The following XKR7 variants were observed in gnomAD, a reference collection of about 807,000 sequenced individuals.
The protein encoded by XKR7 is XK-related protein 7.
Under a neutral mutation model 42.2 loss-of-function variants are expected in XKR7, and 11 were observed. The ratio of observed to expected loss-of-function variants is 0.26; its 90% CI spans 0.16 to 0.43. The LOEUF (loss-of-function observed/expected upper bound fraction) is 0.43, where lower values mean the gene tolerates loss of function less well. Among genes scored for constraint, XKR7 ranks in the 20% least tolerant of loss-of-function variants. The probability of loss-of-function intolerance (pLI) is 1.00; values close to 1 mark genes in which losing one functional copy is unlikely to be tolerated. For synonymous variants in XKR7, 346 were observed against 366.4 expected, an observed-to-expected ratio of 0.94 and a Z score of 0.64; for missense variants, 710 against 802.2, an observed-to-expected ratio of 0.89 and a Z score of 1.39.
intron 1 of XKR7, among the ~76,000 whole-genome samples, chr20:31,977,090 C>A (rs1485367477): frequency 6.6e-6 from 1 of 152,206 alleles, no homozygotes; most frequent in Non-Finnish European, 1.5e-5. Context: ...GGCCTACATC[C>A]ACAGCCTTTA....
In XKR7 at chr20:31,995,140, G is replaced by C; in HGVS notation, c.657G>C (p.Trp219Cys). The C allele has an allele frequency of 2.6e-6, 4 of 1,559,920 alleles. No homozygotes were observed. Among genetic ancestry groups the C allele is most frequent in the Non-Finnish European group, 3.5e-6 (4 of 1,152,392 alleles). ...RGERLRRHFY[W>C]QMLFESADVS... The stretch of plus-strand genomic sequence containing the variant: ...AGCGGCTGCGGCGCCACTTCTACTG[G>C]CAGATGCTGTTCGAGAGCGCCGACG... The change falls in exon 2 of 3, where the codon TGG becomes TGC. Residue 219 changes from tryptophan to cysteine, a missense_variant. By Grantham distance (215) the Trp-to-Cys change is radical. Around this residue, in one of 2 missense-constraint regions of XKR7, gnomAD observed 708 missense variants for 786.2 expected, o/e 0.90. Transcript: ENST00000562532. This position sits in a 1 kb window ranked among gnomAD's most constrained non-coding sequence, Gnocchi z 4.1.
intron 1 of XKR7, among the ~76,000 whole-genome samples, chr20:31,991,843 C>T (rs772364477): frequency 2.0e-5 from 3 of 152,212 alleles, no homozygotes; most frequent in African/African-American, 4.8e-5. Context: ...TCAGGCCAGG[C>T]GTGGTGGCCC....
chr20:31,972,834 T>C (rs937455402), intron 1 of XKR7, among the ~76,000 whole-genome samples: 13 of 152,198 alleles, frequency 8.5e-5, no homozygotes, highest in Non-Finnish European at 8.8e-5. Context: ...AAGCCCTGCA[T>C]GACAGAGAAG....
intron 1 of XKR7, among the ~76,000 whole-genome samples, chr20:31,985,321 A>G (rs2064532572): frequency 6.6e-6 from 1 of 152,014 alleles, no homozygotes; most frequent in African/African-American, 2.4e-5. Context: ...TTGGCCCAGA[A>G]CTGTGAGGGG....
intron 1 of XKR7, among the ~76,000 whole-genome samples, chr20:31,979,726 A>G (rs142753052): frequency 2.6e-3 from 392 of 152,212 alleles, no homozygotes; most frequent in African/African-American, 8.5e-3. Context: ...GTCCCGTGAT[A>G]CCTTCAGATG....
intron 1 of XKR7, among the ~76,000 whole-genome samples, chr20:31,973,094 T>C (rs1266140645): frequency 1.3e-5 from 2 of 152,038 alleles, no homozygotes; most frequent in Non-Finnish European, 2.9e-5. Context: ...CAAGGTTTAA[T>C]GAGATAATGT....
In XKR7 at chr20:32,002,766, A is replaced by C. The variant is rs1426329940; in HGVS notation, c.*5309A>C. ...AACTTCTAGGGCTTGAAGGTGGGGG[A>C]ATATATGTATTTTATTGAGTTGCTT... On this transcript the variant is annotated 3_prime_UTR_variant, in exon 3 of 3. Coordinates refer to ENST00000562532, the MANE Select transcript of XKR7 (RefSeq NM_001011718.2). 2 of 152,082 alleles carry C rather than the reference A, an allele frequency of 1.3e-5. No homozygotes were observed. The highest frequency in any genetic ancestry group is 2.9e-5 in the Non-Finnish European group (2 of 68,014). 9.4% of individuals were successfully genotyped at this position (152,082 alleles called of 1,614,324 possible).
At chr20:31,990,626 G>A (rs2064566210) in intron 1 of XKR7, among the ~76,000 whole-genome samples, 1 of 152,238 alleles carries the variant, frequency 6.6e-6, no homozygotes, top group African/African-American at 2.4e-5. Context: ...ATATTAAAAT[G>A]CAGCTACATC....
At chr20:31,992,542 T>C (rs1340123304) in intron 1 of XKR7, among the ~76,000 whole-genome samples, 1 of 152,086 alleles carries the variant, frequency 6.6e-6, no homozygotes, top group East Asian at 1.9e-4. Context: ...AGGCTGGAAA[T>C]GACTGAAGGA....
chr20:31,987,933 A>G (rs904775038), intron 1 of XKR7, among the ~76,000 whole-genome samples: 1 of 152,224 alleles, frequency 6.6e-6, no homozygotes, highest in Non-Finnish European at 1.5e-5. Flanking sequence ...CCAGGATTCC[A>G]GGGCGAGACT....
intron 1 of XKR7, among the ~76,000 whole-genome samples, chr20:31,985,715 C>T (rs1159393380): frequency 1.4e-5 from 2 of 147,664 alleles, no homozygotes; most frequent in Non-Finnish European, 3.0e-5. Flanking sequence ...GACAGACTAC[C>T]AAGCAGACCC....
Position 31,968,614 on chromosome 20 carries a change from G to T in XKR7, c.439G>T (p.Ala147Ser). 1 of 1,603,184 alleles carries T rather than the reference G, an allele frequency of 6.2e-7. No homozygotes were observed. The highest frequency in any genetic ancestry group is 8.5e-7 in the Non-Finnish European group (1 of 1,178,282). The change falls in exon 1 of 3, where the codon GCC becomes TCC. Residue 147 changes from alanine (A) to serine (S), a missense_variant. Ala to Ser is a moderately conservative substitution (Grantham distance 99). Coordinates refer to ENST00000562532, the MANE Select transcript of XKR7 (RefSeq NM_001011718.2). The surrounding 1 kb of genome is among the most constrained non-coding windows in gnomAD (Gnocchi z 4.5). ...CATCAGCACCAAGGACAGCGCCGGC[G>T]CCTTCCGGACCAAAGAAGGCAGCCC... is the stretch of plus-strand genomic sequence containing the variant. ...AAISTKDSAG[A>S]FRTKEGSPEP... is the part of the protein sequence containing the mutation.
chr20:31,985,177 C>T (rs1225443177), intron 1 of XKR7, among the ~76,000 whole-genome samples: 1 of 152,154 alleles, frequency 6.6e-6, no homozygotes, highest in African/African-American at 2.4e-5. Flanking sequence ...CTCCCATCTG[C>T]CTCCCAGCCC....
At chr20:31,983,228 A>G (rs2064521724) in intron 1 of XKR7, among the ~76,000 whole-genome samples, 2 of 152,272 alleles carry the variant, frequency 1.3e-5, no homozygotes, top group Admixed American at 1.3e-4. Flanking sequence ...AGAGGACACC[A>G]TAAACATGGT....
intron 1 of XKR7, among the ~76,000 whole-genome samples, chr20:31,987,036 G>A (rs1315384521): frequency 6.8e-6 from 1 of 146,064 alleles, no homozygotes; most frequent in Non-Finnish European, 1.5e-5. Flanking sequence ...AGCAGACCCA[G>A]CATCCAAGAC....
intron 1 of XKR7, among the ~76,000 whole-genome samples, chr20:31,980,784 G>A (rs980960182): frequency 4.6e-5 from 7 of 152,106 alleles, no homozygotes; most frequent in African/African-American, 1.4e-4. Flanking sequence ...AGACCAGGCC[G>A]GGCATGATGG....
At chr20:31,974,049 T>C (rs770115915) in intron 1 of XKR7, among the ~76,000 whole-genome samples, 3 of 151,938 alleles carry the variant, frequency 2.0e-5, no homozygotes, top group Non-Finnish European at 4.4e-5. Flanking sequence ...AAAAATTAGC[T>C]GGGCATGGTG....
chr20:31,990,214 G>GTGTGTGTGT (rs1491566309), intron 1 of XKR7, among the ~76,000 whole-genome samples: 5 of 148,472 alleles, frequency 3.4e-5, no homozygotes, highest in African/African-American at 1.2e-4. Flanking sequence ...GTGTGTGTGT[G>GTGTGTGTGT]GAAACAGGGA....
At chr20:31,989,702 C>T (rs2064560635) in intron 1 of XKR7, among the ~76,000 whole-genome samples, 1 of 152,186 alleles carries the variant, frequency 6.6e-6, no homozygotes, top group Non-Finnish European at 1.5e-5. Flanking sequence ...CAGCCTCGAA[C>T]TCCTGGACTC....
Sources: allele counts gnomAD v4.1 joint callset (sites outside exome capture counted in the v4.1 genomes callset), GRCh38; gene constraint gnomAD v4.1.1; regional missense constraint gnomAD v4.1.1; non-coding constraint Gnocchi (gnomAD v3.1); transcripts MANE v1.5; gene names NCBI Gene and HGNC (gene_info 2026-07-23, HGNC 2026-07-21).